The following AFF1 variants were observed in gnomAD, a reference collection of about 807,000 sequenced individuals.
AFF1 encodes ALF transcription elongation factor 1.
A neutral mutation model predicts 121.7 loss-of-function variants in AFF1; 48 were observed. The ratio of observed to expected loss-of-function variants is 0.39; its 90% CI spans 0.31 to 0.50. The LOEUF (loss-of-function observed/expected upper bound fraction) is 0.50. Ranked by LOEUF, AFF1 falls within the 20% of genes least tolerant of loss-of-function variation. The pLI, the probability that AFF1 is intolerant of heterozygous loss-of-function variation, is 0.76. For missense variants in AFF1, 1,523 were observed against 1,511.7 expected (o/e 1.01, Z -0.12); for synonymous variants, 613 against 563.0 (o/e 1.09, Z -1.26).
chr4:87,083,489 T>G (rs1024103828), intron 4 of AFF1, among the ~76,000 whole-genome samples: 3 of 152,224 alleles, frequency 2.0e-5, no homozygotes, highest in Non-Finnish European at 4.4e-5. Context: ...ACTTAGCTCC[T>G]TACTTTCGAC....
At chr4:87,135,447 AT>A (rs1044975604) in intron 20 of AFF1, 132 bp from the exon 21 acceptor site, 3 of 955,336 alleles carry the variant, frequency 3.1e-6, no homozygotes, top group Admixed American at 3.4e-5. Context: ...GTAGATTGTG[AT>A]TTTTTTGATG....
At chr4:87,031,771 A>T (rs1213823386) in intron 2 of AFF1, among the ~76,000 whole-genome samples, 1 of 152,208 alleles carries the variant, frequency 6.6e-6, no homozygotes, top group Non-Finnish European at 1.5e-5. Context: ...GTTTACTTGC[A>T]GTGGATATAT....
intron 2 of AFF1, among the ~76,000 whole-genome samples, chr4:87,022,576 ATATATATC>A (rs1420663011): frequency 2.3e-5 from 2 of 86,046 alleles, no homozygotes; most frequent in African/African-American, 1.1e-4. Flanking sequence ...ATATATATAT[ATATATATC>A]TATCTATATC....
chr4:86,953,603 A>G (rs968645050), intron 2 of AFF1, among the ~76,000 whole-genome samples: 1 of 152,150 alleles, frequency 6.6e-6, no homozygotes, highest in South Asian at 2.1e-4. Flanking sequence ...GCTCACTTAT[A>G]TTTCTTCACC....
rs1803057 is a variant in AFF1 at position 87,140,847 on chromosome 4, T to C, written c.*5146T>C. The stretch of plus-strand genomic sequence containing the variant: ...GAATATGTGATCTGTGAGAGAATTA[T>C]AGTTTTTTTTTAGAAGAAAAATCTG... On this transcript the variant is annotated 3_prime_UTR_variant, in exon 21 of 21. Coordinates refer to ENST00000395146, the MANE Select transcript of AFF1 (RefSeq NM_001166693.3). The C allele has an allele frequency of 2.7e-5, 5 of 186,944 alleles. No individual in the cohort carries two copies. The highest frequency in any genetic ancestry group is 1.7e-4 in the East Asian group (2 of 11,654). The allele number at this position is 186,944 out of a possible 1,614,324, so 11.6% of individuals were successfully genotyped here.
chr4:87,065,805 C>T (rs1281468161), intron 4 of AFF1, among the ~76,000 whole-genome samples: 1 of 152,068 alleles, frequency 6.6e-6, no homozygotes, highest in Non-Finnish European at 1.5e-5. Flanking sequence ...TTATTTTTCC[C>T]CCCCCTTTCT....
intron 2 of AFF1, among the ~76,000 whole-genome samples, chr4:87,019,053 G>T (rs56406125): frequency 0.16 from 24,216 of 152,182 alleles, 2,453 homozygotes; most frequent in East Asian, 0.32. Flanking sequence ...GTTATGGGAA[G>T]TGGGGTGAAA....
chr4:86,989,793 T>C (rs144035549), intron 2 of AFF1, among the ~76,000 whole-genome samples: 40 of 152,288 alleles, frequency 2.6e-4, no homozygotes, highest in African/African-American at 9.4e-4. Flanking sequence ...CCATCAGTGA[T>C]AGACGGGATA....
chr4:86,950,088 A>G, intron 2 of AFF1: 1 of 1,614,128 alleles, frequency 6.2e-7, no homozygotes, highest in Non-Finnish European at 8.5e-7. Context: ...GCGAAGCCCC[A>G]GTAGTAGGTG....
At chr4:87,083,688 CAACA>C (rs1381474565) in intron 4 of AFF1, among the ~76,000 whole-genome samples, 1 of 152,162 alleles carries the variant, frequency 6.6e-6, no homozygotes, top group Non-Finnish European at 1.5e-5. Context: ...ACCTGAGGGT[CAACA>C]GTTAGTCTGC....
chr4:87,013,402 ATT>A (rs1726996849), intron 2 of AFF1, among the ~76,000 whole-genome samples: 1 of 151,346 alleles, frequency 6.6e-6, no homozygotes, highest in African/African-American at 2.5e-5. Context: ...GATTTAATAT[ATT>A]AAGAGAAAAT....
intron 2 of AFF1, among the ~76,000 whole-genome samples, chr4:86,987,968 C>G (rs1394254993): frequency 1.3e-5 from 2 of 150,446 alleles, no homozygotes; most frequent in Admixed American, 1.3e-4. Context: ...AAAAAATTAT[C>G]CAATTTTAAG....
chr4:86,966,315 C>T (rs541707941), intron 2 of AFF1, among the ~76,000 whole-genome samples: 40 of 152,258 alleles, frequency 2.6e-4, no homozygotes, highest in African/African-American at 8.7e-4. Context: ...CAATCTGGCT[C>T]CTGTGCCTTG....
rs749401683 is a variant in AFF1, at chr4:87,089,968, C to T, written c.1105-16C>T. 1 of 1,603,294 alleles carries T rather than the reference C, an allele frequency of 6.2e-7. No individual in the cohort carries two copies. The highest frequency in any genetic ancestry group is 8.5e-7 in the Non-Finnish European group (1 of 1,171,158). On this transcript the variant is annotated splice_polypyrimidine_tract_variant and intron_variant, in intron 5 of 20. Coordinates refer to ENST00000395146, the MANE Select transcript of AFF1 (RefSeq NM_001166693.3). ...TTATAATTTACTTTTTCTTCCCTTTCCAAATATCTTTCCAGGAAATGACCC... is the reference window on the plus strand; with the variant it reads ...TTATAATTTACTTTTTCTTCCCTTTTCAAATATCTTTCCAGGAAATGACCC...
chr4:87,024,892 C>T (rs1451246259), intron 2 of AFF1, among the ~76,000 whole-genome samples: 3 of 152,218 alleles, frequency 2.0e-5, no homozygotes, highest in Non-Finnish European at 2.9e-5. Context: ...CTGCGCCCAG[C>T]CCCGATCCTG....
intron 8 of AFF1, among the ~76,000 whole-genome samples, chr4:87,099,983 A>C (rs1172361954): frequency 6.6e-6 from 1 of 152,202 alleles, no homozygotes; most frequent in Non-Finnish European, 1.5e-5. Context: ...AGGCTTTGAA[A>C]GCTTTTGAAA....
At chr4:86,948,621 A>G in intron 2 of AFF1, 50 bp downstream of exon 2, 1 of 1,502,072 alleles carries the variant, frequency 6.7e-7, no homozygotes, top group Non-Finnish European at 8.9e-7. Context: ...TAATTTTATA[A>G]TCTACTTTTC....
In AFF1 at chr4:87,094,956, C is replaced by A; in HGVS notation, c.1270C>A (p.Gln424Lys). The change falls in exon 8 of 21, where the codon CAA becomes AAA. Residue 424 changes from glutamine to lysine, a missense_variant. Transcript: ENST00000395146. ...TSSKTHSNSQ[Q>K]GTSSMLEDDL... ...TTCAAAAACTCACTCAAATTCTCAG[C>A]AAGGAACGTCATCGTAAGTGAAATG... 6.2e-7 allele frequency: 1 copy of A among 1,613,558 alleles called. No individual in the cohort carries two copies. The highest frequency in any genetic ancestry group is 8.5e-7 in the Non-Finnish European group (1 of 1,179,516).
intron 2 of AFF1, among the ~76,000 whole-genome samples, chr4:87,043,964 G>A (rs2149607903): frequency 6.6e-6 from 1 of 152,166 alleles, no homozygotes; most frequent in South Asian, 2.1e-4. Context: ...CACTACAGGC[G>A]CCTGCGACCA....
Sources: allele counts gnomAD v4.1 joint callset (sites outside exome capture counted in the v4.1 genomes callset), GRCh38; gene constraint gnomAD v4.1.1; transcripts MANE v1.5; gene names NCBI Gene and HGNC (gene_info 2026-07-23, HGNC 2026-07-21).